The following NF1 variants were observed in gnomAD, a reference collection of about 807,000 sequenced individuals.
NF1 encodes neurofibromin.
A neutral mutation model predicts 325.7 loss-of-function variants in NF1; 122 were observed. That is an observed-to-expected ratio of 0.37 (90% CI 0.32 to 0.44). NF1 has a LOEUF of 0.44. Ranked by LOEUF, NF1 falls within the 20% of genes least tolerant of loss-of-function variation. NF1 has a pLI of 1.00. For synonymous variants in NF1, 1,091 were observed against 1,186.0 expected (o/e 0.92, Z 1.65); for missense variants, 2,140 against 3,415.4 (o/e 0.63, Z 9.31).
intron 22 of NF1, 65 bp downstream of exon 22, chr17:31,230,039 A>G (rs2151431030): frequency 1.3e-6 from 2 of 1,577,666 alleles, no homozygotes; most frequent in East Asian, 4.5e-5. Context: ...TTACACACTG[A>G]TACTGGTAGT....
chr17:31,098,948 A>G (rs1912043762), intron 1 of NF1, among the ~76,000 whole-genome samples: 1 of 151,788 alleles, frequency 6.6e-6, no homozygotes, highest in Admixed American at 6.6e-5. Context: ...AAAAAAAAAA[A>G]AAAAGAATCT....
intron 5 of NF1, among the ~76,000 whole-genome samples, chr17:31,180,975 A>T (rs551578634): frequency 6.6e-6 from 1 of 152,216 alleles, no homozygotes; most frequent in Non-Finnish European, 1.5e-5. Flanking sequence ...GAGCCAAATC[A>T]TGAGTGAACT....
At chr17:31,098,933 GAAA>G (rs556393516) in intron 1 of NF1, among the ~76,000 whole-genome samples, 11 of 100,350 alleles carry the variant, frequency 1.1e-4, no homozygotes, top group Non-Finnish European at 1.6e-4. Context: ...CTCCATCTCA[GAAA>G]AAAAAAAAAA....
chr17:31,307,709 A>C lies in NF1; in HGVS notation c.4836-18111A>C, dbSNP rs182197756. Among the ~76,000 whole-genome samples the C allele has an allele frequency of 1.6e-4, 24 of 152,354 alleles. No homozygotes were observed. The East Asian group carries it at 2.3e-3, about 15-fold the overall frequency. On this transcript the variant is annotated intron_variant, in intron 36 of 57. Transcript: ENST00000358273. ...TTTTGGTATAATATACTTGTTTTGC[A>C]CATCATCAAACACAATGGCAACTAT...
At chr17:31,296,445 A>G (rs1041416744) in intron 36 of NF1, 1 of 1,012,278 alleles carries the variant, frequency 9.9e-7, no homozygotes, top group Non-Finnish European at 1.6e-6. Context: ...GTTGTTGTCG[A>G]GTCCTTTTAT....
At chr17:31,319,515 G>T (rs1217035101) in intron 36 of NF1, among the ~76,000 whole-genome samples, 5 of 152,072 alleles carry the variant, frequency 3.3e-5, no homozygotes, top group Admixed American at 3.3e-4. Context: ...GGAAAGAGGG[G>T]AAGTTTGGTA....
At chr17:31,141,741 G>T (rs1416487338) in intron 1 of NF1, among the ~76,000 whole-genome samples, 5 of 152,170 alleles carry the variant, frequency 3.3e-5, no homozygotes, top group Non-Finnish European at 7.4e-5. Flanking sequence ...TCTTGAGGTT[G>T]CAGTCAAGCT....
At chr17:31,147,782 C>T (rs925723572) in intron 1 of NF1, among the ~76,000 whole-genome samples, 4 of 152,198 alleles carry the variant, frequency 2.6e-5, no homozygotes, top group African/African-American at 9.6e-5. Flanking sequence ...CCTCTCGAAG[C>T]TGCAAGGCTT....
At chr17:31,313,740 G>A (rs1213737218) in intron 36 of NF1, among the ~76,000 whole-genome samples, 5 of 150,580 alleles carry the variant, frequency 3.3e-5, no homozygotes, top group Admixed American at 3.3e-4. Context: ...GTGTGTGTGT[G>A]TGTGTGTGTG....
intron 29 of NF1, among the ~76,000 whole-genome samples, chr17:31,236,872 A>G (rs1434272029): frequency 6.6e-6 from 1 of 152,118 alleles, no homozygotes; most frequent in African/African-American, 2.4e-5. Context: ...AATTGTGACG[A>G]TTTATGAGTT....
intron 1 of NF1, among the ~76,000 whole-genome samples, chr17:31,140,448 A>G (rs1413516229): frequency 1.3e-5 from 2 of 152,228 alleles, no homozygotes; most frequent in Non-Finnish European, 2.9e-5. Flanking sequence ...ATCAAATAGA[A>G]GATCCCTAGC....
intron 36 of NF1, among the ~76,000 whole-genome samples, chr17:31,306,361 T>C (rs2068720433): frequency 6.6e-6 from 1 of 152,196 alleles, no homozygotes; most frequent in Non-Finnish European, 1.5e-5. Flanking sequence ...ATTCTATTTG[T>C]GTGACTTCTT....
intron 1 of NF1, among the ~76,000 whole-genome samples, chr17:31,139,743 A>G (rs999681256): frequency 1.3e-5 from 2 of 152,218 alleles, no homozygotes; most frequent in South Asian, 2.1e-4. Flanking sequence ...GATAAAGGAA[A>G]GAGGCTGCTG....
rs549227914 is a variant in NF1 at position 31,228,256 on chromosome 17, A to G, written c.2409+650A>G. ...TAGTGTTTGTGTGTATTTGATTTGT[A>G]ATGTTCATATTGCTCTCATTATTAG... On this transcript the variant is annotated intron_variant, in intron 20 of 57. Transcript: ENST00000358273. Among the ~76,000 whole-genome samples, 7 of 152,302 alleles carry G rather than the reference A, an allele frequency of 4.6e-5. No individual in the cohort carries two copies. In the South Asian group the frequency reaches 1.4e-3, roughly 32 times the overall value.
intron 1 of NF1, among the ~76,000 whole-genome samples, chr17:31,099,545 T>G (rs1432613815): frequency 6.7e-6 from 1 of 149,220 alleles, no homozygotes; most frequent in Admixed American, 6.9e-5. Flanking sequence ...ACTGACAAAT[T>G]GTAGGTGTGT....
chr17:31,231,182 TG>T (rs1458094351), intron 24 of NF1, among the ~76,000 whole-genome samples: 3 of 152,256 alleles, frequency 2.0e-5, no homozygotes, highest in African/African-American at 7.2e-5. Context: ...CTACAGTTAT[TG>T]GGAAATAAGA....
chr17:31,299,566 A>G (rs1440317798), intron 36 of NF1: 1 of 152,064 alleles, frequency 6.6e-6, no homozygotes, highest in Admixed American at 6.5e-5. Flanking sequence ...AGGAATAGCT[A>G]TCCCACGCTA....
chr17:31,226,531 A>G lies in NF1; in HGVS notation c.2098A>G (p.Thr700Ala), dbSNP rs1555613801. 6.2e-7 allele frequency: 1 copy of G among 1,613,894 alleles called. No homozygotes were observed. Among genetic ancestry groups the G allele is most frequent in the East Asian group, 2.2e-5 (1 of 44,886 alleles). Residue 700 changes from threonine (T) to alanine (A), a missense_variant, in exon 18 of 58, where the codon ACT (threonine) becomes GCT (alanine). Transcript: ENST00000358273. The part of the protein sequence containing the change: ...ALYMFLWNPD[T>A]EAVLVAMSCF... ...GTACATGTTTCTGTGGAACCCTGAC[A>G]CTGAAGCTGTTCTGGTTGCCATGTC...
chr17:31,119,863 G>A (rs1164986838), intron 1 of NF1, among the ~76,000 whole-genome samples: 1 of 152,198 alleles, frequency 6.6e-6, no homozygotes, highest in Non-Finnish European at 1.5e-5. Flanking sequence ...TTATTAAATA[G>A]GGAATCCTTT....
Sources: allele counts gnomAD v4.1 joint callset (sites outside exome capture counted in the v4.1 genomes callset), GRCh38; gene constraint gnomAD v4.1.1; transcripts MANE v1.5; gene names NCBI Gene and HGNC (gene_info 2026-07-23, HGNC 2026-07-21).